NBAS: variants seen among roughly 807,000 people sequenced by gnomAD.
The protein encoded by NBAS is NAG/BC035112 fusion.
A neutral mutation model predicts 302.5 loss-of-function variants in NBAS; 219 were observed. That is an observed-to-expected ratio of 0.72 (90% CI 0.65 to 0.81). The LOEUF is 0.81. Among genes scored for constraint, NBAS ranks in the 30% least tolerant of loss-of-function variants. The probability of loss-of-function intolerance (pLI) is 0.00; values close to 1 mark genes in which losing one functional copy is unlikely to be tolerated. For synonymous variants in NBAS, 1,118 were observed against 1,021.6 expected, an observed-to-expected ratio of 1.09 and a Z score of -1.80; for missense variants, 2,932 against 2,841.6, an observed-to-expected ratio of 1.03 and a Z score of -0.72.
the NBAS span, among the ~76,000 whole-genome samples, chr2:14,896,787 G>A: frequency 1.3e-5 from 2 of 152,066 alleles, no homozygotes; most frequent in African/African-American, 2.4e-5. Context: ...TAACAGCTGG[G>A]GAACAAATCA....
intron 51 of NBAS, among the ~76,000 whole-genome samples, chr2:15,169,947 AC>A (rs1247820832): frequency 6.6e-6 from 1 of 152,256 alleles, no homozygotes; most frequent in East Asian, 1.9e-4. Context: ...CCCCTGCCTA[AC>A]CCTGCAGGAC....
the NBAS span, among the ~76,000 whole-genome samples, chr2:14,971,013 G>A: frequency 1.3e-5 from 2 of 152,130 alleles, no homozygotes; most frequent in African/African-American, 4.8e-5. Flanking sequence ...AAAGACCAGC[G>A]AGCCCCTTCC....
intron 30 of NBAS, among the ~76,000 whole-genome samples, chr2:15,378,552 A>G (rs1674870168): frequency 6.6e-6 from 1 of 152,192 alleles, no homozygotes; most frequent in Non-Finnish European, 1.5e-5. Context: ...AACCTAACAA[A>G]CATCATAGCT....
chr2:15,302,958 C>G (rs1031866808), intron 40 of NBAS, among the ~76,000 whole-genome samples: 5 of 152,188 alleles, frequency 3.3e-5, no homozygotes, highest in Admixed American at 6.5e-5. Context: ...CTTTTGGACT[C>G]TTGGGCTTAC....
chr2:15,088,239 A>G, the NBAS span, among the ~76,000 whole-genome samples: 1 of 152,234 alleles, frequency 6.6e-6, no homozygotes, highest in Admixed American at 6.5e-5. Context: ...GCCAAAAGAG[A>G]AAGAATCTAT....
At chr2:14,836,951 TC>T in the NBAS span, among the ~76,000 whole-genome samples, 5 of 151,882 alleles carry the variant, frequency 3.3e-5, no homozygotes, top group Non-Finnish European at 7.4e-5. Context: ...TTTTATTTTT[TC>T]ATGTGTATTT....
At chr2:15,264,831 G>A (rs1271093476) in intron 44 of NBAS, among the ~76,000 whole-genome samples, 1 of 152,172 alleles carries the variant, frequency 6.6e-6, no homozygotes, top group Non-Finnish European at 1.5e-5. Context: ...TGGAAAGGCT[G>A]GATGTGACGA....
At chr2:15,091,262 T>C in the NBAS span, among the ~76,000 whole-genome samples, 1 of 104,096 alleles carries the variant, frequency 9.6e-6, no homozygotes, top group Non-Finnish European at 2.1e-5. Flanking sequence ...TCAGAGACCA[T>C]CTAATTCAAT....
the NBAS span, among the ~76,000 whole-genome samples, chr2:15,124,100 G>A: frequency 6.6e-6 from 1 of 152,202 alleles, no homozygotes; most frequent in Non-Finnish European, 1.5e-5. Flanking sequence ...GGAAGCTATT[G>A]GGAACTGGAG....
intron 38 of NBAS, among the ~76,000 whole-genome samples, chr2:15,324,108 A>T (rs1671954887): frequency 6.6e-6 from 1 of 152,188 alleles, no homozygotes; most frequent in Non-Finnish European, 1.5e-5. Context: ...GTGTGAGTGA[A>T]GGCGCACATC....
At chr2:15,292,175 A>G (rs1038662746) in intron 41 of NBAS, among the ~76,000 whole-genome samples, 6 of 152,154 alleles carry the variant, frequency 3.9e-5, no homozygotes, top group African/African-American at 1.4e-4. Flanking sequence ...GGGTTTTGCC[A>G]TGTTGGCCAG....
the NBAS span, among the ~76,000 whole-genome samples, chr2:14,867,726 C>T: frequency 0.034 from 5,206 of 152,178 alleles, 282 homozygotes; most frequent in African/African-American, 0.12. Flanking sequence ...GAATTTTTTG[C>T]TTGTCTTTTG....
chr2:15,192,576 T>C (rs1221793550), intron 48 of NBAS, among the ~76,000 whole-genome samples: 1 of 152,202 alleles, frequency 6.6e-6, no homozygotes, highest in African/African-American at 2.4e-5. Context: ...AAATGATACT[T>C]TGTGACTGTT....
intron 44 of NBAS, among the ~76,000 whole-genome samples, chr2:15,268,380 T>A (rs752011789): frequency 6.6e-6 from 1 of 152,184 alleles, no homozygotes; most frequent in Non-Finnish European, 1.5e-5. Context: ...CTAGCCTGAG[T>A]TGATGTGTGC....
At chr2:15,164,753 G>A (rs1663973599), downstream of NBAS, among the ~76,000 whole-genome samples, 1 of 152,170 alleles carries the variant, frequency 6.6e-6, no homozygotes, top group African/African-American at 2.4e-5. Context: ...GCACAAAGAG[G>A]AACGCAGCGT....
At chr2:15,437,443 T>C (rs1678083825) in intron 21 of NBAS, among the ~76,000 whole-genome samples, 1 of 152,184 alleles carries the variant, frequency 6.6e-6, no homozygotes, top group Non-Finnish European at 1.5e-5. Flanking sequence ...ATGAGTTCTT[T>C]GAGTCTAGGC....
chr2:15,327,232 A>C (rs1672113645), intron 38 of NBAS, among the ~76,000 whole-genome samples: 1 of 152,106 alleles, frequency 6.6e-6, no homozygotes, highest in South Asian at 2.1e-4. Context: ...AGAGAGGGGG[A>C]ATTCAAAGGA....
chr2:15,032,853 G>A, the NBAS span, among the ~76,000 whole-genome samples: 2 of 150,274 alleles, frequency 1.3e-5, no homozygotes, highest in Non-Finnish European at 2.9e-5. Flanking sequence ...GAGCTATTTG[G>A]CTGAAAACAT....
rs1005905781 is a variant in NBAS at position 15,330,699 on chromosome 2, T to C, written c.4246A>G (p.Lys1416Glu). ...LLRWTTATTM[K>E]VLSNTTTTTK... ...GTGGTTGTGGTGTTGGAAAGGACTT[T>C]CATGGTGGTAGCAGTGGTCCAGCGC... The change falls in exon 36 of 52, where the codon AAA (lysine) becomes GAA (glutamate). Residue 1416 changes from lysine to glutamate, a missense_variant. Physicochemically the swap from Lys to Glu is moderately conservative, Grantham distance 56. Transcript: ENST00000281513. 9 of 1,614,104 alleles carry C rather than the reference T, an allele frequency of 5.6e-6. No homozygotes were observed. The highest frequency in any genetic ancestry group is 7.6e-6 in the Non-Finnish European group (9 of 1,179,976).
Sources: allele counts gnomAD v4.1 joint callset (sites outside exome capture counted in the v4.1 genomes callset), GRCh38; gene constraint gnomAD v4.1.1; transcripts MANE v1.5; gene names NCBI Gene and HGNC (gene_info 2026-07-23, HGNC 2026-07-21).